CELF4: variants seen among roughly 807,000 people sequenced by gnomAD.
CELF4 encodes the protein CUG-BP- and ETR-3-like factor 4.
Under a neutral mutation model 59.9 loss-of-function variants are expected in CELF4, and 18 were observed. The ratio of observed to expected loss-of-function variants is 0.30; its 90% CI spans 0.21 to 0.45. The LOEUF (loss-of-function observed/expected upper bound fraction) is 0.45, where lower values mean the gene tolerates loss of function less well. Ranked by LOEUF, CELF4 falls within the 20% of genes least tolerant of loss-of-function variation. CELF4 has a pLI of 1.00. For missense variants in CELF4, 456 were observed against 689.0 expected (o/e 0.66, Z 3.79); for synonymous variants, 261 against 267.1 (o/e 0.98, Z 0.22).
rs565207718 is a variant in CELF4, at chr18:37,281,802, G to GC, written c.449-6560dup. On this transcript the variant is annotated intron_variant, in intron 3 of 12. Coordinates refer to ENST00000420428, the MANE Select transcript of CELF4 (RefSeq NM_020180.4). ...GAGCCCAGGGTCATCCCATGCAGTG[G>GC]CCCCCCCAGGGTGCCTCCTGGATCC... Among the ~76,000 whole-genome samples, 275 of 152,188 alleles carry GC rather than the reference G, an allele frequency of 1.8e-3. 5 individuals carry two copies. The East Asian group carries it at 0.048, about 27-fold the overall frequency.
rs184444764 is a variant in CELF4 at position 37,248,542 on chromosome 18, C to T, written c.*45-3345G>A. On this transcript the variant is annotated intron_variant, in intron 12 of 12. Coordinates refer to ENST00000420428, the MANE Select transcript of CELF4 (RefSeq NM_020180.4). ...GCTCCCACTCTTGCTCTGCTGACTT[C>T]CCCTCCTCCCTACCCCATCCTCTTT... Among the ~76,000 whole-genome samples, 167 of 152,276 alleles carry T rather than the reference C, an allele frequency of 1.1e-3. 3 individuals carry two copies. Among genetic ancestry groups the T allele is most frequent in the African/African-American group, 3.9e-3 (162 of 41,574 alleles).
At chr18:37,336,471 C>T (rs1434314405) in intron 2 of CELF4, among the ~76,000 whole-genome samples, 2 of 152,208 alleles carry the variant, frequency 1.3e-5, no homozygotes, top group Non-Finnish European at 2.9e-5. Context: ...CATGAGCCAC[C>T]CCATGTGGCC....
At chr18:37,451,710 G>C (rs947377847) in intron 2 of CELF4, among the ~76,000 whole-genome samples, 53 of 152,286 alleles carry the variant, frequency 3.5e-4, no homozygotes, top group Non-Finnish European at 2.9e-5. Context: ...CACCCAGTCA[G>C]CACACCCTGA....
intron 2 of CELF4, among the ~76,000 whole-genome samples, chr18:37,329,695 A>C (rs2097463712): frequency 1.3e-5 from 2 of 152,216 alleles, no homozygotes; most frequent in Admixed American, 6.5e-5. Context: ...AGGTAGAGAG[A>C]GGCTGAACTA....
chr18:37,329,341 T>C (rs8095544), intron 2 of CELF4, among the ~76,000 whole-genome samples: 8,309 of 152,330 alleles, frequency 0.055, 295 homozygotes, highest in Middle Eastern at 0.12. Context: ...TCCCTTCTCA[T>C]TGGCCATGGA....
intron 2 of CELF4, among the ~76,000 whole-genome samples, chr18:37,478,856 G>A (rs1448531235): frequency 1.3e-5 from 2 of 152,216 alleles, no homozygotes; most frequent in African/African-American, 4.8e-5. Context: ...GTGTTCTGTG[G>A]TGAAGGTCCT....
At chr18:37,503,685 C>T (rs1396462761) in intron 1 of CELF4, among the ~76,000 whole-genome samples, 1 of 152,350 alleles carries the variant, frequency 6.6e-6, no homozygotes, top group South Asian at 2.1e-4. Flanking sequence ...TAAATCTCTT[C>T]ACTTCTCTGG....
At chr18:37,315,982 G>A (rs959106633) in intron 3 of CELF4, among the ~76,000 whole-genome samples, 3 of 152,186 alleles carry the variant, frequency 2.0e-5, no homozygotes, top group Non-Finnish European at 2.9e-5. Context: ...GCTGCAGGAG[G>A]TACCTTGGTG....
At chr18:37,523,615 C>T (rs2099960170) in intron 1 of CELF4, among the ~76,000 whole-genome samples, 1 of 152,174 alleles carries the variant, frequency 6.6e-6, no homozygotes, top group South Asian at 2.1e-4. Context: ...TGCCCATCAG[C>T]AAATCCTGCA....
chr18:37,383,956 G>A (rs1464729505), intron 2 of CELF4, among the ~76,000 whole-genome samples: 1 of 152,084 alleles, frequency 6.6e-6, no homozygotes, highest in Non-Finnish European at 1.5e-5. Flanking sequence ...GGGGGTGGGG[G>A]GCGGTGCGTG....
At chr18:37,408,562 T>C (rs2099408525) in intron 2 of CELF4, among the ~76,000 whole-genome samples, 3 of 148,426 alleles carry the variant, frequency 2.0e-5, no homozygotes, top group African/African-American at 7.4e-5. Flanking sequence ...CTGGCAAATC[T>C]GAAGGCCTCA....
Position 37,399,919 on chromosome 18 carries a change from G to C in CELF4, c.370-78038C>G, listed in dbSNP as rs8094159. On this transcript the variant is annotated intron_variant, in intron 2 of 12. Coordinates refer to ENST00000420428, the MANE Select transcript of CELF4 (RefSeq NM_020180.4). The stretch of plus-strand genomic sequence containing the variant: ...TTTCGCTTCTCACCCAGGCAGATGA[G>C]CCTCACTGATTTAGGTCCACTGGGA... Among the ~76,000 whole-genome samples the C allele has an allele frequency of 9.1e-4, 138 of 152,308 alleles. 2 individuals are homozygous for C. The East Asian group carries it at 0.016, about 18-fold the overall frequency.
intron 2 of CELF4, among the ~76,000 whole-genome samples, chr18:37,435,355 G>A (rs531691059): frequency 6.6e-6 from 1 of 152,314 alleles, no homozygotes; most frequent in Non-Finnish European, 1.5e-5. Flanking sequence ...GTGCACATGT[G>A]TGTGTGTGCA....
intron 2 of CELF4, among the ~76,000 whole-genome samples, chr18:37,436,089 G>C (rs1160524938): frequency 6.6e-6 from 1 of 152,164 alleles, no homozygotes; most frequent in East Asian, 1.9e-4. Flanking sequence ...GCTGAAAATA[G>C]TCCTTTCTCG....
chr18:37,489,667 C>T (rs551251270), intron 1 of CELF4, among the ~76,000 whole-genome samples: 32 of 152,330 alleles, frequency 2.1e-4, no homozygotes, highest in African/African-American at 7.2e-4. Context: ...AACTCACTCT[C>T]CTATGTTGTA....
At chr18:37,535,914 C>T (rs1264792067) in intron 1 of CELF4, among the ~76,000 whole-genome samples, 1 of 152,172 alleles carries the variant, frequency 6.6e-6, no homozygotes, top group Admixed American at 6.5e-5. Context: ...GGCCTTGTGG[C>T]TGAACAACAA....
At chr18:37,266,724 G>C (rs2077769643) in intron 8 of CELF4, 126 bp from the exon 9 acceptor site, 1 of 834,184 alleles carries the variant, frequency 1.2e-6, no homozygotes, top group Non-Finnish European at 1.8e-6. Flanking sequence ...CCCTGGGGCA[G>C]GGCATCCGAG....
intron 1 of CELF4, among the ~76,000 whole-genome samples, chr18:37,516,904 T>C (rs966850179): frequency 5.3e-5 from 8 of 152,176 alleles, no homozygotes; most frequent in Non-Finnish European, 1.2e-4. Context: ...TTGACACAAT[T>C]TCCCTCCCCA....
chr18:37,313,001 G>A (rs2096731850), intron 3 of CELF4, among the ~76,000 whole-genome samples: 1 of 152,226 alleles, frequency 6.6e-6, no homozygotes, highest in South Asian at 2.1e-4. Context: ...CCTTTCGGAG[G>A]CCTCTGTGGG....
Sources: allele counts gnomAD v4.1 joint callset (sites outside exome capture counted in the v4.1 genomes callset), GRCh38; gene constraint gnomAD v4.1.1; transcripts MANE v1.5; gene names NCBI Gene and HGNC (gene_info 2026-07-23, HGNC 2026-07-21).